BTBD3: variants seen among roughly 807,000 people sequenced by gnomAD.
BTBD3 encodes BTB domain containing 3.
Under a neutral mutation model 41.6 loss-of-function variants are expected in BTBD3, and 14 were observed. The ratio of observed to expected loss-of-function variants is 0.34; its 90% CI spans 0.22 to 0.53. The LOEUF (loss-of-function observed/expected upper bound fraction) is 0.53. Among genes scored for constraint, BTBD3 ranks in the 20% least tolerant of loss-of-function variants. The pLI is 0.95. For synonymous variants in BTBD3, 249 were observed against 233.7 expected, an observed-to-expected ratio of 1.07 and a Z score of -0.60; for missense variants, 426 against 654.7, an observed-to-expected ratio of 0.65 and a Z score of 3.81.
At chr20:11,914,157 C>T (rs571792191), upstream of BTBD3, among the ~76,000 whole-genome samples, 9 of 152,194 alleles carry the variant, frequency 5.9e-5, no homozygotes, top group African/African-American at 1.9e-4. Flanking sequence ...TAAAATGTAG[C>T]AGTAGACATC....
chr20:11,907,827 T>A (rs1035971817), intron 1 of BTBD3, among the ~76,000 whole-genome samples: 4 of 152,104 alleles, frequency 2.6e-5, no homozygotes, highest in African/African-American at 9.7e-5. Flanking sequence ...AGTCAAAAGA[T>A]CTAATTGGGA....
At position 11,923,122 on chromosome 20, in the gene BTBD3, T is replaced by C. The variant is rs1288056719; in HGVS notation, c.1025T>C (p.Leu342Pro). The C allele has an allele frequency of 6.2e-7, 1 of 1,613,976 alleles. No homozygotes were observed. Among genetic ancestry groups the C allele is most frequent in the Non-Finnish European group, 8.5e-7 (1 of 1,180,056 alleles). ...GCTGCACAGTCCGGGGTATTAACTC[T>C]CAATGAGACCAACGACATCTTCCTC... is the stretch of plus-strand genomic sequence containing the variant. ...NGAAQSGVLT[L>P]NETNDIFLWY... The change falls in exon 4 of 4, where the codon CTC becomes CCC. Residue 342 changes from leucine (L) to proline (P), a missense_variant. Leu to Pro is a moderately conservative substitution (Grantham distance 98, BLOSUM62 -3). Transcript: ENST00000378226. This position sits in a 1 kb window ranked among gnomAD's most constrained non-coding sequence, Gnocchi z 5.3.
chr20:11,918,541 G>T lies in BTBD3; in HGVS notation c.266G>T (p.Ser89Ile). Residue 89 changes from serine to isoleucine, a missense_variant, in exon 1 of 4, where the codon AGT becomes ATT. Transcript: ENST00000378226. ...CAGCAGTACCACCAGCAGAATCTCA[G>T]TAACAACAACCTTATCCCGGCCCCA... ...SVQQYHQQNL[S>I]NNNLIPAPNW... 6.2e-7 allele frequency: 1 copy of T among 1,614,024 alleles called. No homozygotes were observed. The highest frequency in any genetic ancestry group is 8.5e-7 in the Non-Finnish European group (1 of 1,179,972).
chr20:11,918,500 C>T lies in BTBD3; in HGVS notation c.225C>T (p.Ser75=). The change falls in exon 1 of 4, where the codon TCC becomes TCT. Residue 75 remains serine, a synonymous_variant. Transcript: ENST00000378226. Reference sequence around the variant, plus strand: ...TCCCCCGTAAAAAGCCAGCCAACTCCAGCAGCACCAGCGTCCAGCAGTACC... The same window carrying T: ...TCCCCCGTAAAAAGCCAGCCAACTCTAGCAGCACCAGCGTCCAGCAGTACC... ...DIFPRKKPAN[S]SSTSVQQYHQ... 1 of 1,614,182 alleles carries T rather than the reference C, an allele frequency of 6.2e-7. No individual in the cohort carries two copies. Among genetic ancestry groups the T allele is most frequent in the Non-Finnish European group, 8.5e-7 (1 of 1,180,018 alleles).
At chr20:11,908,821 ATGG>A (rs1387828052) in intron 1 of BTBD3, among the ~76,000 whole-genome samples, 4 of 152,154 alleles carry the variant, frequency 2.6e-5, no homozygotes, top group African/African-American at 7.2e-5. Context: ...CCTGCAGCAA[ATGG>A]TGGTAGTTTG....
chr20:11,898,680 C>T (rs1219833596), intron 1 of BTBD3, among the ~76,000 whole-genome samples: 2 of 151,594 alleles, frequency 1.3e-5, no homozygotes, highest in African/African-American at 4.8e-5. Flanking sequence ...ATTTTTTTTT[C>T]AGTGAATTTC....
Position 11,923,285 on chromosome 20 carries a change from C to T in BTBD3, c.1188C>T (p.Ser396=), listed in dbSNP as rs766829626. 8 of 1,614,234 alleles carry T rather than the reference C, an allele frequency of 5.0e-6. No homozygotes were observed. In the Admixed American group the frequency reaches 1.3e-4, roughly 27 times the overall value. Residue 396 remains serine, a synonymous_variant, in exon 4 of 4, where the codon AGC becomes AGT. Transcript: ENST00000378226. This position sits in a 1 kb window ranked among gnomAD's most constrained non-coding sequence, Gnocchi z 5.3. ...NQWRYRGRCD[S]IQFAVDKRVF... ...GGCGCTATCGTGGTCGCTGTGACAGCATCCAGTTTGCAGTTGATAAAAGAG... is the reference window on the plus strand; with the variant it reads ...GGCGCTATCGTGGTCGCTGTGACAGTATCCAGTTTGCAGTTGATAAAAGAG...
chr20:11,899,675 G>A (rs914062609), intron 1 of BTBD3, among the ~76,000 whole-genome samples: 3 of 151,956 alleles, frequency 2.0e-5, no homozygotes, highest in Non-Finnish European at 4.4e-5. Flanking sequence ...TCATTTTAAA[G>A]TTTTGCTTAT....
chr20:11,893,544 A>C (rs1369737639), intron 1 of BTBD3, among the ~76,000 whole-genome samples: 1 of 152,226 alleles, frequency 6.6e-6, no homozygotes, highest in African/African-American at 2.4e-5. Context: ...TTTTCAATTT[A>C]GTATCTCTTT....
chr20:11,893,811 A>T (rs1275671087), intron 1 of BTBD3, among the ~76,000 whole-genome samples: 2 of 128,126 alleles, frequency 1.6e-5, no homozygotes, highest in Admixed American at 8.1e-5. Context: ...CTTCCATTTT[A>T]CTCTGTTTGT....
intron 1 of BTBD3, among the ~76,000 whole-genome samples, chr20:11,891,933 C>G (rs2122143954): frequency 6.6e-6 from 1 of 152,264 alleles, no homozygotes; most frequent in South Asian, 2.1e-4. Context: ...TTTTAAAACT[C>G]TTAAAGCCCA....
chr20:11,896,365 C>G (rs2056787239), intron 1 of BTBD3, among the ~76,000 whole-genome samples: 1 of 152,168 alleles, frequency 6.6e-6, no homozygotes, highest in African/African-American at 2.4e-5. Flanking sequence ...ATGCGAAAAG[C>G]TTTGCAGTTT....
chr20:11,920,165 G>C (rs1241013720), intron 3 of BTBD3, among the ~76,000 whole-genome samples: 1 of 152,172 alleles, frequency 6.6e-6, no homozygotes, highest in East Asian at 1.9e-4. Context: ...TGAAAGCATT[G>C]TGTGTGAAAA....
rs775945345 is a variant in BTBD3, at chr20:11,923,585, C to A, written c.1488C>A (p.Val496=). ...AAGTTCAGTGTGGCAAAGTGACTGT[C>A]CAGTTTCAGTGCTCCTCAGATAGCA... The part of the protein sequence containing the change: ...MTEVQCGKVT[V]QFQCSSDSTN... The change falls in exon 4 of 4, where the codon GTC becomes GTA. Residue 496 remains valine (V), a synonymous_variant. Coordinates refer to ENST00000378226, the MANE Select transcript of BTBD3 (RefSeq NM_014962.4). This position sits in a 1 kb window ranked among gnomAD's most constrained non-coding sequence, Gnocchi z 5.3. 1 of 1,614,086 alleles carries A rather than the reference C, an allele frequency of 6.2e-7. No homozygotes were observed. The highest frequency in any genetic ancestry group is 1.7e-5 in the Admixed American group (1 of 60,008).
intron 3 of BTBD3, among the ~76,000 whole-genome samples, chr20:11,921,860 C>T (rs1269107322): frequency 2.0e-5 from 3 of 152,162 alleles, no homozygotes; most frequent in Admixed American, 1.3e-4. Context: ...TTACGTGCCT[C>T]TTTGGGAGAC....
intron 1 of BTBD3, among the ~76,000 whole-genome samples, chr20:11,906,282 T>TTTTTTTTTTTTTTTTTGG (rs869198827): frequency 7.5e-6 from 1 of 132,606 alleles, no homozygotes; most frequent in African/African-American, 2.8e-5. Flanking sequence ...TTTTTTTTTT[T>TTTTTTTTTTTTTTTTTGG]GAGACGGAGT....
At chr20:11,914,286 A>G (rs2056905342), upstream of BTBD3, among the ~76,000 whole-genome samples, 1 of 152,200 alleles carries the variant, frequency 6.6e-6, no homozygotes, top group Non-Finnish European at 1.5e-5. Flanking sequence ...CATAATTTGT[A>G]TTTAATGTAG....
intron 1 of BTBD3, chr20:11,890,980 G>C: frequency 1.0e-6 from 1 of 981,826 alleles, no homozygotes. Flanking sequence ...GCGGGCGAGC[G>C]GGTCGGCGCC....
At chr20:11,909,290 A>AG (rs34178038) in intron 1 of BTBD3, 2 of 151,260 alleles carry the variant, frequency 1.3e-5, no homozygotes, top group African/African-American at 2.4e-5. Flanking sequence ...AAAAAAAAAA[A>AG]GTAGCATAAA....
Sources: allele counts gnomAD v4.1 joint callset (sites outside exome capture counted in the v4.1 genomes callset), GRCh38; gene constraint gnomAD v4.1.1; non-coding constraint Gnocchi (gnomAD v3.1); transcripts MANE v1.5; gene names NCBI Gene and HGNC (gene_info 2026-07-23, HGNC 2026-07-21).